Variants in PCDH15 observed in about 807,000 individuals in gnomAD.
The protein encoded by PCDH15 is protocadherin-15.
A neutral mutation model predicts 178.5 loss-of-function variants in PCDH15; 129 were observed. The ratio of observed to expected loss-of-function variants is 0.72; its 90% confidence interval spans 0.63 to 0.84. The LOEUF is 0.84. PCDH15 is among the 40% of genes least tolerant of loss of function. The pLI, the probability that PCDH15 is intolerant of heterozygous loss-of-function variation, is 0.00. For synonymous variants in PCDH15, 800 were observed against 732.0 expected (o/e 1.09, Z -1.50); for missense variants, 2,230 against 2,099.9 (o/e 1.06, Z -1.21).
At chr10:54,252,104 G>A (rs957593050) in intron 8 of PCDH15, among the ~76,000 whole-genome samples, 1 of 152,034 alleles carries the variant, frequency 6.6e-6, no homozygotes, top group African/African-American at 2.4e-5. Flanking sequence ...TATTTCTGTG[G>A]TGGAGAGGTA....
chr10:53,825,023 A>G, intron 32 of PCDH15: 3 of 1,271,056 alleles, frequency 2.4e-6, no homozygotes, highest in Non-Finnish European at 3.0e-6. Context: ...ACAGTAAGTG[A>G]GTCTGTGGCA....
intron 7 of PCDH15, among the ~76,000 whole-genome samples, chr10:54,317,732 A>G (rs959071158): frequency 6.6e-6 from 1 of 152,112 alleles, no homozygotes; most frequent in African/African-American, 2.4e-5. Context: ...AGATCACGCC[A>G]CTGCACTCCA....
intron 1 of PCDH15, among the ~76,000 whole-genome samples, chr10:54,685,480 A>G (rs2094980179): frequency 6.6e-6 from 1 of 152,166 alleles, no homozygotes; most frequent in Admixed American, 6.5e-5. Flanking sequence ...AGATGATGTT[A>G]CAAGGGCTAT....
At chr10:54,265,558 T>C (rs1464098414) in intron 8 of PCDH15, among the ~76,000 whole-genome samples, 1 of 150,458 alleles carries the variant, frequency 6.6e-6, no homozygotes, top group Non-Finnish European at 1.5e-5. Context: ...CACTCATGGG[T>C]TCAAAGTAAA....
At chr10:54,107,502 GC>G (rs2094937293) in intron 15 of PCDH15, among the ~76,000 whole-genome samples, 2 of 152,182 alleles carry the variant, frequency 1.3e-5, no homozygotes, top group African/African-American at 4.8e-5. Flanking sequence ...AAGTATTAGA[GC>G]CTTAGTCAAA....
At chr10:54,935,853 A>T (rs886430614) in intron 2 of PCDH15, among the ~76,000 whole-genome samples, 6 of 152,156 alleles carry the variant, frequency 3.9e-5, no homozygotes, top group East Asian at 1.9e-4. Context: ...CCCAAAAGGA[A>T]TTTTTTTATG....
intron 15 of PCDH15, among the ~76,000 whole-genome samples, chr10:54,116,814 G>A (rs1369952633): frequency 6.6e-6 from 1 of 152,130 alleles, no homozygotes; most frequent in East Asian, 1.9e-4. Context: ...TTTTATATAT[G>A]TTGAATCTAA....
At chr10:54,288,978 A>G (rs1301018487) in intron 8 of PCDH15, among the ~76,000 whole-genome samples, 1 of 152,248 alleles carries the variant, frequency 6.6e-6, no homozygotes, top group Non-Finnish European at 1.5e-5. Context: ...TGCAGACTTA[A>G]AAATCCCTGT....
intron 1 of PCDH15, among the ~76,000 whole-genome samples, chr10:55,242,947 A>T (rs979763170): frequency 1.3e-5 from 2 of 152,188 alleles, no homozygotes; most frequent in African/African-American, 4.8e-5. Context: ...AATAATGAAG[A>T]CTGCTGGGAG....
chr10:54,810,769 A>T (rs1952851029), intron 3 of PCDH15, among the ~76,000 whole-genome samples: 1 of 152,136 alleles, frequency 6.6e-6, no homozygotes, highest in Non-Finnish European at 1.5e-5. Context: ...CAATAAAAAA[A>T]CTAAAATTTA....
intron 2 of PCDH15, among the ~76,000 whole-genome samples, chr10:55,128,001 C>T (rs1051929383): frequency 2.6e-5 from 4 of 152,012 alleles, no homozygotes; most frequent in Non-Finnish European, 4.4e-5. Context: ...TCTTTCTCCT[C>T]AGACTGGAGT....
intron 2 of PCDH15, among the ~76,000 whole-genome samples, chr10:55,160,418 A>G (rs1481317637): frequency 3.9e-5 from 6 of 151,922 alleles, no homozygotes; most frequent in Non-Finnish European, 5.9e-5. Context: ...GTTTATATTC[A>G]TTCACATCTG....
intron 27 of PCDH15, among the ~76,000 whole-genome samples, chr10:53,864,403 C>G (rs1164663849): frequency 6.6e-6 from 1 of 152,204 alleles, no homozygotes; most frequent in East Asian, 1.9e-4. Context: ...AAAGGCTACT[C>G]TCCCTAAAAC....
chr10:54,894,070 T>G (rs1166333314), intron 3 of PCDH15, among the ~76,000 whole-genome samples: 1 of 152,150 alleles, frequency 6.6e-6, no homozygotes, highest in African/African-American at 2.4e-5. Flanking sequence ...AGCAGGTACA[T>G]ATGACATGAT....
rs574478177 is a variant in PCDH15, at chr10:55,351,086, CCTT to C, written c.-155-184438_-155-184436del. Among the ~76,000 whole-genome samples the C allele has an allele frequency of 5.0e-4, 69 of 138,746 alleles. No homozygotes were observed. The East Asian group carries it at 0.014, about 29-fold the overall frequency. 91.0% of individuals were successfully genotyped at this position (138,746 alleles called of 152,430 possible). The stretch of plus-strand genomic sequence containing the variant: ...GCTGCTGCCTCCTCCTCCTCCTCCT[CCTT>C]CTTCTTCTCCTTCTTCTTCTTCTGC... On this transcript the variant is annotated intron_variant, in intron 2 of 5. Coordinates refer to the PCDH15 transcript ENST00000613346.
intron 8 of PCDH15, among the ~76,000 whole-genome samples, chr10:54,302,793 T>C (rs1353318945): frequency 1.2e-4 from 18 of 152,164 alleles, no homozygotes; most frequent in Admixed American, 1.2e-3. Context: ...ACCTCAGACC[T>C]TTCCATTTGA....
intron 2 of PCDH15, among the ~76,000 whole-genome samples, chr10:54,628,132 G>A (rs994675685): frequency 9.9e-5 from 15 of 152,170 alleles, no homozygotes; most frequent in African/African-American, 3.6e-4. Context: ...ATTTTCATAA[G>A]TTAGCACTAG....
At chr10:55,531,418 G>A (rs1404044007) in intron 2 of PCDH15, among the ~76,000 whole-genome samples, 1 of 151,782 alleles carries the variant, frequency 6.6e-6, no homozygotes, top group Non-Finnish European at 1.5e-5. Flanking sequence ...CTTATTAATG[G>A]CTATTAAAGT....
chr10:55,574,658 G>A (rs913463838), intron 2 of PCDH15, among the ~76,000 whole-genome samples: 41 of 151,960 alleles, frequency 2.7e-4, no homozygotes, highest in African/African-American at 9.2e-4. Flanking sequence ...ATCACAAACT[G>A]TAAAACTCTA....
Sources: allele counts gnomAD v4.1 joint callset (sites outside exome capture counted in the v4.1 genomes callset), GRCh38; gene constraint gnomAD v4.1.1; transcripts MANE v1.5; gene names NCBI Gene and HGNC (gene_info 2026-07-23, HGNC 2026-07-21).